NRG3: variants seen among roughly 807,000 people sequenced by gnomAD.
The protein encoded by NRG3 is pro-neuregulin-3, membrane-bound isoform.
A neutral mutation model predicts 66.9 loss-of-function variants in NRG3; 31 were observed. The observed-to-expected ratio is 0.46, with a 90% CI of 0.35 to 0.63. The LOEUF (loss-of-function observed/expected upper bound fraction) is 0.63, where lower values mean the gene tolerates loss of function less well. Among genes scored for constraint, NRG3 ranks in the 20% least tolerant of loss-of-function variants. The pLI, the probability that NRG3 is intolerant of heterozygous loss-of-function variation, is 0.00. For missense variants in NRG3, 910 were observed against 878.9 expected (o/e 1.04, Z -0.45); for synonymous variants, 393 against 359.4 (o/e 1.09, Z -1.06).
At chr10:82,089,909 G>T (rs1325709469) in intron 1 of NRG3, among the ~76,000 whole-genome samples, 1 of 152,122 alleles carries the variant, frequency 6.6e-6, no homozygotes, top group African/African-American at 2.4e-5. Flanking sequence ...TCCTGCCCCA[G>T]TGAGGTCCCT....
chr10:82,102,137 T>TATATATATATGTGTGTATTC (rs1564564673), intron 1 of NRG3, among the ~76,000 whole-genome samples: 8 of 23,352 alleles, frequency 3.4e-4, no homozygotes, highest in East Asian at 1.8e-3. Flanking sequence ...TGTATTCATA[T>TATATATATATGTGTGTATTC]ATATATATAT....
Position 82,238,102 on chromosome 10 carries a change from G to C in NRG3, c.824-120637G>C, listed in dbSNP as rs138906277. On this transcript the variant is annotated intron_variant, in intron 1 of 8. Coordinates refer to ENST00000372141, the MANE Select transcript of NRG3 (RefSeq NM_001010848.4). ...GTTAATACTCTAGCTGCATATCTCAGAATGATATACAAAACAAGGATTTCC... is the reference window on the plus strand; with the variant it reads ...GTTAATACTCTAGCTGCATATCTCACAATGATATACAAAACAAGGATTTCC... 3.4e-4 allele frequency among the ~76,000 whole-genome samples: 51 copies of C among 152,180 alleles called. No homozygotes were observed. The East Asian group carries it at 9.1e-3, about 27-fold the overall frequency.
intron 1 of NRG3, among the ~76,000 whole-genome samples, chr10:81,918,990 CACACATACAT>C (rs1178136994): frequency 4.0e-5 from 6 of 150,902 alleles, no homozygotes; most frequent in African/African-American, 1.5e-4. Flanking sequence ...CACACACACA[CACACATACAT>C]ACACACACAC....
intron 2 of NRG3, among the ~76,000 whole-genome samples, chr10:82,574,221 A>G (rs1047759093): frequency 2.0e-5 from 3 of 151,756 alleles, no homozygotes; most frequent in Admixed American, 6.6e-5. Flanking sequence ...AAAATGAACC[A>G]TATCATTTGC....
chr10:82,892,710 T>G (rs1229597558), intron 4 of NRG3, among the ~76,000 whole-genome samples: 1 of 147,156 alleles, frequency 6.8e-6, no homozygotes, highest in Non-Finnish European at 1.5e-5. Context: ...TAAATAAAAG[T>G]TAAAAATAAA....
chr10:82,196,436 T>A, intron 1 of NRG3, among the ~76,000 whole-genome samples: 1 of 152,288 alleles, frequency 6.6e-6, no homozygotes, highest in Non-Finnish European at 1.5e-5. Flanking sequence ...GAAAGTACAC[T>A]GGCCTGAGAA....
chr10:81,926,266 C>A (rs1326723647), intron 1 of NRG3, among the ~76,000 whole-genome samples: 1 of 151,956 alleles, frequency 6.6e-6, no homozygotes, highest in Non-Finnish European at 1.5e-5. Flanking sequence ...TACAGGCACC[C>A]GCAACCATAG....
intron 1 of NRG3, among the ~76,000 whole-genome samples, chr10:82,016,285 G>A (rs1408749149): frequency 6.6e-6 from 1 of 152,072 alleles, no homozygotes; most frequent in Non-Finnish European, 1.5e-5. Context: ...GTGGTTAGCC[G>A]ATTGGAGAAG....
chr10:82,149,430 T>C (rs927555490), intron 1 of NRG3, among the ~76,000 whole-genome samples: 2 of 152,186 alleles, frequency 1.3e-5, no homozygotes, highest in African/African-American at 4.8e-5. Flanking sequence ...ATTTAATTGC[T>C]TTGCAACATT....
chr10:82,578,827 G>C (rs965721980), intron 2 of NRG3, among the ~76,000 whole-genome samples: 2 of 151,724 alleles, frequency 1.3e-5, no homozygotes, highest in African/African-American at 4.8e-5. Flanking sequence ...CAGATACTTG[G>C]GAAATCTAAG....
At chr10:82,202,710 C>T (rs1040216266) in intron 1 of NRG3, among the ~76,000 whole-genome samples, 1 of 152,122 alleles carries the variant, frequency 6.6e-6, no homozygotes, top group Admixed American at 6.5e-5. Flanking sequence ...GGATCTCTAT[C>T]TGAGGAGCTG....
At chr10:82,902,043 C>T (rs1362314700) in intron 4 of NRG3, among the ~76,000 whole-genome samples, 1 of 151,996 alleles carries the variant, frequency 6.6e-6, no homozygotes, top group Admixed American at 6.6e-5. Context: ...ATGGATATAA[C>T]CAACCGAAAG....
chr10:82,283,727 A>T (rs1208637036), intron 1 of NRG3, among the ~76,000 whole-genome samples: 1 of 152,130 alleles, frequency 6.6e-6, no homozygotes, highest in Non-Finnish European at 1.5e-5. Flanking sequence ...GGGTCATGGA[A>T]GTAGCCTGTT....
chr10:82,942,201 T>A (rs1848635268), intron 4 of NRG3, among the ~76,000 whole-genome samples: 1 of 152,160 alleles, frequency 6.6e-6, no homozygotes, highest in Non-Finnish European at 1.5e-5. Flanking sequence ...CAGTTCCTGT[T>A]CCCTCACACA....
chr10:82,082,481 G>C (rs747372976), intron 1 of NRG3, among the ~76,000 whole-genome samples: 3 of 152,208 alleles, frequency 2.0e-5, no homozygotes, highest in Non-Finnish European at 4.4e-5. Context: ...TGGGAAAGGA[G>C]GTGGGTCTTG....
intron 2 of NRG3, among the ~76,000 whole-genome samples, chr10:82,444,049 G>T (rs2090583666): frequency 6.6e-6 from 1 of 152,168 alleles, no homozygotes. Context: ...ACATTTGGCA[G>T]TCCTTCTCCA....
chr10:82,808,579 GA>G, intron 3 of NRG3, among the ~76,000 whole-genome samples: 1 of 151,980 alleles, frequency 6.6e-6, no homozygotes, highest in African/African-American at 2.4e-5. Flanking sequence ...GCCTTAGAAT[GA>G]AAAAAATCTC....
chr10:82,444,525 A>G (rs954100362), intron 2 of NRG3, among the ~76,000 whole-genome samples: 1 of 152,192 alleles, frequency 6.6e-6, no homozygotes, highest in Non-Finnish European at 1.5e-5. Context: ...ACTTGTGACT[A>G]GTGCTGCAAT....
intron 4 of NRG3, among the ~76,000 whole-genome samples, chr10:82,881,286 A>G (rs1842275785): frequency 6.6e-6 from 1 of 152,256 alleles, no homozygotes; most frequent in South Asian, 2.1e-4. Context: ...AACAAATAGC[A>G]GCATGCTAAC....
Sources: allele counts gnomAD v4.1 joint callset (sites outside exome capture counted in the v4.1 genomes callset), GRCh38; gene constraint gnomAD v4.1.1; transcripts MANE v1.5; gene names NCBI Gene and HGNC (gene_info 2026-07-23, HGNC 2026-07-21).